MGAM: variants seen among roughly 807,000 people sequenced by gnomAD.
MGAM encodes the protein alpha-1,4-glucosidase.
A neutral mutation model predicts 358.8 loss-of-function variants in MGAM; 253 were observed. The ratio of observed to expected loss-of-function variants is 0.71; its 90% CI spans 0.64 to 0.78. The LOEUF is 0.78. Ranked by LOEUF, MGAM falls within the 30% of genes least tolerant of loss-of-function variation. The pLI is 0.00. For synonymous variants in MGAM, 1,105 were observed against 1,227.1 expected (o/e 0.90, Z 2.08); for missense variants, 3,080 against 3,432.6 (o/e 0.90, Z 2.57).
At chr7:142,090,794 C>A (rs2077725398) in intron 57 of MGAM, among the ~76,000 whole-genome samples, 2 of 146,508 alleles carry the variant, frequency 1.4e-5, no homozygotes, top group African/African-American at 4.9e-5. Flanking sequence ...CCGTAACAAG[C>A]AACATTTATT....
In MGAM at chr7:142,041,954, AT is replaced by A. The variant is rs1563144924; in HGVS notation, c.2498+1109del. On this transcript the variant is annotated intron_variant, in intron 21 of 70. Coordinates refer to ENST00000475668, the MANE Select transcript of MGAM (RefSeq NM_001365693.1). Reference sequence around the variant, plus strand: ...ATATATATATTATATATATACATATATATAATATATATATATTATATATATA... The same window carrying A: ...ATATATATATTATATATATACATATAATAATATATATATATTATATATATA... 8.4e-3 allele frequency among the ~76,000 whole-genome samples: 164 copies of A among 19,440 alleles called. 7 individuals carry two copies. Among genetic ancestry groups the A allele is most frequent in the African/African-American group, 0.015 (70 of 4,712 alleles). 12.8% of individuals were successfully genotyped at this position (19,440 alleles called of 152,430 possible). A position where few individuals can be genotyped will look rare whatever the true frequency, so the allele number is the denominator to read the frequency against.
intron 45 of MGAM, among the ~76,000 whole-genome samples, chr7:142,075,629 T>C (rs1023931094): frequency 1.4e-5 from 2 of 146,344 alleles, no homozygotes; most frequent in African/African-American, 4.9e-5. Context: ...GTGAAGGACC[T>C]GAACAGATGT....
At chr7:141,990,369 C>T (rs548323422) in intron 2 of MGAM, among the ~76,000 whole-genome samples, 42 of 152,290 alleles carry the variant, frequency 2.8e-4, no homozygotes, top group African/African-American at 7.2e-4. Context: ...ACTTAGTCTG[C>T]TTGGAGGTGT....
At chr7:142,015,208 T>C (rs1414504555) in intron 3 of MGAM, among the ~76,000 whole-genome samples, 1 of 152,152 alleles carries the variant, frequency 6.6e-6, no homozygotes, top group African/African-American at 2.4e-5. Context: ...TCTTGCCCGA[T>C]TTTATATTGA....
At chr7:142,105,109 T>G (rs1816735132) in intron 70 of MGAM, among the ~76,000 whole-genome samples, 1 of 152,052 alleles carries the variant, frequency 6.6e-6, no homozygotes, top group South Asian at 2.1e-4. Context: ...CTTGACAGCA[T>G]CTGCCTAGGA....
rs748280923 is a variant in MGAM, at chr7:142,063,514, T to C, written c.4273T>C (p.Ser1425Pro). 3.7e-6 allele frequency: 6 copies of C among 1,613,664 alleles called. No individual in the cohort carries two copies. Among genetic ancestry groups the C allele is most frequent in the Non-Finnish European group, 4.2e-6 (5 of 1,179,766 alleles). Reference sequence around the variant, plus strand: ...GCATTTCTAGGATATGAATGAACCATCAAGCTTCGTGAATGGGGCAGTTTC... The same window carrying C: ...GCATTTCTAGGATATGAATGAACCACCAAGCTTCGTGAATGGGGCAGTTTC... ...DGMWIDMNEP[S>P]SFVNGAVSPG... Residue 1425 changes from serine (S) to proline (P), a missense_variant, in exon 36 of 71, where the codon TCA becomes CCA. This residue lies in a region of MGAM where 1,816 missense variants were observed against 1,840.5 expected (regional missense o/e 0.99). Transcript: ENST00000475668.
At chr7:142,102,516 G>A in intron 68 of MGAM, 114 bp from the exon 69 acceptor site, 1 of 978,470 alleles carries the variant, frequency 1.0e-6, no homozygotes, top group Non-Finnish European at 1.5e-6. Context: ...ACAAAGATAA[G>A]CCTTACTCTC....
At chr7:142,008,820 G>T in intron 3 of MGAM, 115 bp downstream of exon 3, 2 of 1,157,514 alleles carry the variant, frequency 1.7e-6, no homozygotes, top group Non-Finnish European at 2.4e-6. Flanking sequence ...AGGTGTTTAT[G>T]TTGCAGCCAT....
At chr7:142,082,451 C>T in intron 51 of MGAM, 24 bp from the exon 52 acceptor site, 2 of 1,462,098 alleles carry the variant, frequency 1.4e-6, no homozygotes, top group Non-Finnish European at 1.9e-6. Context: ...TAAACTCCTA[C>T]TGCTTCTCCC....
Position 142,077,521 on chromosome 7 carries a change from A to G in MGAM, c.5493+695A>G, listed in dbSNP as rs528894096. On this transcript the variant is annotated intron_variant, in intron 47 of 70. Coordinates refer to ENST00000475668, the MANE Select transcript of MGAM (RefSeq NM_001365693.1). ...AAGATAAGAAAAATATATGGAAAATATTAAATATTTGAATTAATAGGATTC... is the reference window on the plus strand; with the variant it reads ...AAGATAAGAAAAATATATGGAAAATGTTAAATATTTGAATTAATAGGATTC... 1.5e-4 allele frequency among the ~76,000 whole-genome samples: 22 copies of G among 146,048 alleles called. 4 individuals carry two copies. In the South Asian group the frequency reaches 4.8e-3, roughly 32 times the overall value.
intron 3 of MGAM, among the ~76,000 whole-genome samples, chr7:142,017,862 T>C (rs1350886133): frequency 1.3e-5 from 2 of 152,208 alleles, no homozygotes; most frequent in African/African-American, 4.8e-5. Context: ...GAAAATGTGC[T>C]TAGAGATACT....
intron 49 of MGAM, 109 bp downstream of exon 49, chr7:142,079,117 C>T (rs1814002952): frequency 1.0e-6 from 1 of 996,530 alleles, no homozygotes; most frequent in Non-Finnish European, 1.5e-6. Flanking sequence ...CTACATTAGA[C>T]TATGTCATTA....
chr7:141,997,698 T>C (rs1804370033), intron 1 of MGAM, among the ~76,000 whole-genome samples: 1 of 151,808 alleles, frequency 6.6e-6, no homozygotes, highest in African/African-American at 2.4e-5. Context: ...CCAGAGGGGT[T>C]AAGTGGATTT....
chr7:142,026,077 AAG>A (rs1445085156), intron 8 of MGAM, among the ~76,000 whole-genome samples: 158 of 152,328 alleles, frequency 1.0e-3, no homozygotes, highest in African/African-American at 3.7e-3. Flanking sequence ...CCTATGACCA[AAG>A]AGTACATTGC....
At chr7:142,089,961 C>G (rs964390797) in intron 57 of MGAM, among the ~76,000 whole-genome samples, 2 of 145,964 alleles carry the variant, frequency 1.4e-5, no homozygotes, top group African/African-American at 4.9e-5. Flanking sequence ...AGCCAACAGC[C>G]CCATGAAAAG....
chr7:142,059,363 A>C (rs1388257369), intron 31 of MGAM, 109 bp from the exon 32 acceptor site: 1 of 1,491,150 alleles, frequency 6.7e-7, no homozygotes, highest in Middle Eastern at 2.1e-4. Context: ...ATTTGAATGC[A>C]TCAACAAGAA....
rs73534483 is a variant in MGAM at position 142,103,462 on chromosome 7, G to A, written c.8184+23G>A. On this transcript the variant is annotated intron_variant, in intron 70 of 70. Coordinates refer to ENST00000475668, the MANE Select transcript of MGAM (RefSeq NM_001365693.1). ...CAGGTTTGTGACCAGCAAAAAGTGC[G>A]AATGGTATTCTCCACCCTTAATATG... 1,017 of 1,570,990 alleles carry A rather than the reference G, an allele frequency of 6.5e-4. 5 individuals are homozygous for A. In the African/African-American group the frequency reaches 0.011, roughly 18 times the overall value.
intron 55 of MGAM, 46 bp from the exon 56 acceptor site, chr7:142,086,172 T>A: frequency 6.8e-7 from 1 of 1,475,082 alleles, no homozygotes; most frequent in Non-Finnish European, 9.3e-7. Context: ...TTTCTCTTCA[T>A]TCTGTGGCTT....
intron 2 of MGAM, among the ~76,000 whole-genome samples, chr7:142,005,955 C>T (rs1345802226): frequency 1.3e-5 from 2 of 151,824 alleles, no homozygotes; most frequent in Admixed American, 6.6e-5. Flanking sequence ...TAACAATACC[C>T]TTATGTGAAA....
Sources: gnomAD v4.1 joint callset for allele counts (sites outside exome capture counted in the v4.1 genomes callset) on GRCh38, gnomAD v4.1.1 for gene constraint, gnomAD v4.1.1 regional missense constraint, MANE v1.5 for transcripts, NCBI Gene and HGNC (gene_info 2026-07-23, HGNC 2026-07-21) for gene names.